DLGAP1: variants seen among roughly 807,000 people sequenced by gnomAD.
The protein encoded by DLGAP1 is DLG associated protein 1.
DLGAP1 carries 11 observed loss-of-function variants against 90.8 expected under a neutral mutation model. The observed-to-expected ratio is 0.12, with a 90% confidence interval of 0.08 to 0.20. The LOEUF (loss-of-function observed/expected upper bound fraction) is 0.20, where lower values mean the gene tolerates loss of function less well. DLGAP1 is among the 10% of genes least tolerant of loss of function. The probability of loss-of-function intolerance (pLI) is 1.00; values close to 1 mark genes in which losing one functional copy is unlikely to be tolerated. For synonymous variants in DLGAP1, 558 were observed against 540.7 expected (o/e 1.03, Z -0.44); for missense variants, 1,050 against 1,333.8 (o/e 0.79, Z 3.31).
At chr18:4,199,506 C>A (rs1221977223) in intron 1 of DLGAP1, among the ~76,000 whole-genome samples, 1 of 152,132 alleles carries the variant, frequency 6.6e-6, no homozygotes. Context: ...TGTGAATAAT[C>A]CTGGTCATGC....
chr18:3,835,241 G>A, intron 4 of DLGAP1, among the ~76,000 whole-genome samples: 1 of 152,136 alleles, frequency 6.6e-6, no homozygotes, highest in Non-Finnish European at 1.5e-5. Flanking sequence ...GATGACATTT[G>A]TGGGTTCTTT....
intron 2 of DLGAP1, among the ~76,000 whole-genome samples, chr18:4,115,338 T>TC (rs922618849): frequency 3.9e-5 from 2 of 51,102 alleles, no homozygotes; most frequent in African/African-American, 1.4e-4. Context: ...AATCTTATGT[T>TC]TTTTTTTTTT....
chr18:3,884,511 C>A (rs1207916114), intron 3 of DLGAP1, among the ~76,000 whole-genome samples: 1 of 152,136 alleles, frequency 6.6e-6, no homozygotes, highest in East Asian at 1.9e-4. Flanking sequence ...CCAAAATATA[C>A]AAGATTATTT....
At chr18:3,976,781 AT>A (rs1293944169) in intron 3 of DLGAP1, among the ~76,000 whole-genome samples, 1 of 152,196 alleles carries the variant, frequency 6.6e-6, no homozygotes, top group Admixed American at 6.5e-5. Flanking sequence ...AGACAAATTG[AT>A]TTTCAAAAAC....
At chr18:3,884,063 A>T (rs1483217999) in intron 3 of DLGAP1, among the ~76,000 whole-genome samples, 1 of 152,218 alleles carries the variant, frequency 6.6e-6, no homozygotes, top group Non-Finnish European at 1.5e-5. Context: ...ATAGGTAAAA[A>T]ACGTGTCCAC....
intron 1 of DLGAP1, among the ~76,000 whole-genome samples, chr18:4,387,568 A>G (rs1404132354): frequency 6.6e-6 from 1 of 152,198 alleles, no homozygotes; most frequent in Non-Finnish European, 1.5e-5. Context: ...CTCTAAGTCC[A>G]GTGCTTTCTC....
intron 7 of DLGAP1, among the ~76,000 whole-genome samples, chr18:3,647,427 A>G (rs1430937181): frequency 6.6e-6 from 1 of 151,764 alleles, no homozygotes; most frequent in African/African-American, 2.4e-5. Context: ...CATGCTAAAC[A>G]GTTTACTAGG....
At chr18:3,829,820 A>G (rs1030497371) in intron 4 of DLGAP1, among the ~76,000 whole-genome samples, 2 of 152,138 alleles carry the variant, frequency 1.3e-5, no homozygotes, top group Non-Finnish European at 2.9e-5. Context: ...CAACACCTAG[A>G]TTAGGGTTTG....
chr18:3,793,610 C>T (rs1001637656), intron 5 of DLGAP1, among the ~76,000 whole-genome samples: 23 of 152,130 alleles, frequency 1.5e-4, no homozygotes, highest in African/African-American at 5.3e-4. Context: ...AAGTGCTCCC[C>T]GTGGCCCATG....
At chr18:3,887,213 G>A (rs556856277) in intron 3 of DLGAP1, among the ~76,000 whole-genome samples, 13 of 152,156 alleles carry the variant, frequency 8.5e-5, no homozygotes, top group African/African-American at 1.9e-4. Flanking sequence ...AAAATAGCTC[G>A]CGGTTATTTT....
intron 5 of DLGAP1, among the ~76,000 whole-genome samples, chr18:3,800,776 G>A (rs1568157654): frequency 6.6e-6 from 1 of 152,036 alleles, no homozygotes; most frequent in Non-Finnish European, 1.5e-5. Flanking sequence ...ATAAAAAAGA[G>A]ACATGTGGGT....
At chr18:4,384,982 C>A (rs1242692864) in intron 1 of DLGAP1, among the ~76,000 whole-genome samples, 7 of 151,962 alleles carry the variant, frequency 4.6e-5, no homozygotes. Flanking sequence ...ATTCCGAACT[C>A]CACTGTGGCT....
chr18:3,835,342 T>A (rs1405601578), intron 4 of DLGAP1, among the ~76,000 whole-genome samples: 2 of 152,088 alleles, frequency 1.3e-5, no homozygotes, highest in African/African-American at 4.8e-5. Flanking sequence ...ATAGAATGAG[T>A]GCTTCATAGA....
chr18:4,131,431 G>C (rs185351816), intron 2 of DLGAP1, among the ~76,000 whole-genome samples: 38 of 152,290 alleles, frequency 2.5e-4, no homozygotes, highest in African/African-American at 8.9e-4. Flanking sequence ...GGGCCAGAGA[G>C]TAAATGGCTC....
chr18:4,162,205 A>G (rs1466402819), intron 1 of DLGAP1, among the ~76,000 whole-genome samples: 5 of 152,150 alleles, frequency 3.3e-5, no homozygotes, highest in African/African-American at 4.8e-5. Flanking sequence ...CCAAAGCGAT[A>G]ATGTCTCATA....
intron 1 of DLGAP1, among the ~76,000 whole-genome samples, chr18:4,341,360 C>G (rs1347212073): frequency 6.6e-6 from 1 of 152,070 alleles, no homozygotes; most frequent in Non-Finnish European, 1.5e-5. Flanking sequence ...CCTAACACCT[C>G]TTAACAAATT....
chr18:4,352,549 T>G (rs1358575930), intron 1 of DLGAP1, among the ~76,000 whole-genome samples: 1 of 152,118 alleles, frequency 6.6e-6, no homozygotes, highest in East Asian at 1.9e-4. Context: ...GTCCTCTTTA[T>G]TTGTTTGTCA....
intron 2 of DLGAP1, among the ~76,000 whole-genome samples, chr18:4,106,227 G>C (rs2075865079): frequency 6.6e-6 from 1 of 152,050 alleles, no homozygotes; most frequent in Non-Finnish European, 1.5e-5. Context: ...CACGTTCAGT[G>C]CCAAGAAACC....
At chr18:3,951,470 T>A (rs994391982) in intron 3 of DLGAP1, among the ~76,000 whole-genome samples, 1 of 152,246 alleles carries the variant, frequency 6.6e-6, no homozygotes, top group African/African-American at 2.4e-5. Flanking sequence ...TCCTTTTGTT[T>A]GATTTATTTA....
Sources: allele counts gnomAD v4.1 joint callset (sites outside exome capture counted in the v4.1 genomes callset), GRCh38; gene constraint gnomAD v4.1.1; transcripts MANE v1.5; gene names NCBI Gene and HGNC (gene_info 2026-07-23, HGNC 2026-07-21).